FRRS1L: variants seen among roughly 807,000 people sequenced by gnomAD.
FRRS1L encodes the protein DOMON domain-containing protein FRRS1L.
A neutral mutation model predicts 28.6 loss-of-function variants in FRRS1L; 22 were observed. The ratio of observed to expected loss-of-function variants is 0.77; its 90% confidence interval spans 0.55 to 1.10. The LOEUF is 1.10. Among genes scored for constraint, FRRS1L ranks in the 50% least tolerant of loss-of-function variants. FRRS1L has a pLI of 0.00. For missense variants in FRRS1L, 380 were observed against 386.9 expected (o/e 0.98, Z 0.15); for synonymous variants, 158 against 151.4 (o/e 1.04, Z -0.32).
intron 1 of FRRS1L, among the ~76,000 whole-genome samples, chr9:109,163,626 T>C (rs1831505933): frequency 6.6e-6 from 1 of 152,154 alleles, no homozygotes; most frequent in South Asian, 2.1e-4. Flanking sequence ...TAGGTAATGG[T>C]CAGTAGGCTC....
rs955397173 is a variant in FRRS1L at position 109,141,430 on chromosome 9, G to A, written c.622C>T (p.Arg208Cys). The A allele has an allele frequency of 6.2e-6, 10 of 1,613,926 alleles. No individual in the cohort carries two copies. Among genetic ancestry groups the A allele is most frequent in the Admixed American group, 5.0e-5 (3 of 59,998 alleles). Residue 208 changes from arginine to cysteine, a missense_variant, in exon 4 of 5, where the codon CGC (arginine) becomes TGC (cysteine). By Grantham distance (180) the Arg-to-Cys change is radical (BLOSUM62 -3). Transcript: ENST00000561981. Reference sequence around the variant, plus strand: ...TCATCTCTGGGAACATTCACAGGGCGTTTAAATCTGCAGGTGACGCGATTG... The same window carrying A: ...TCATCTCTGGGAACATTCACAGGGCATTTAAATCTGCAGGTGACGCGATTG... The part of the protein sequence containing the change: ...ENNRVTCRFK[R>C]PVNVPRDETI...
intron 3 of FRRS1L, among the ~76,000 whole-genome samples, chr9:109,145,421 G>T (rs1831245688): frequency 6.6e-6 from 1 of 152,208 alleles, no homozygotes; most frequent in Admixed American, 6.5e-5. Flanking sequence ...TCAAAAAGAG[G>T]CCAGGCACGG....
At chr9:109,160,721 G>C (rs982733987) in intron 1 of FRRS1L, among the ~76,000 whole-genome samples, 1 of 150,866 alleles carries the variant, frequency 6.6e-6, no homozygotes, top group Non-Finnish European at 1.5e-5. Flanking sequence ...CTGTAGTTCT[G>C]TCTCTTATCT....
At chr9:109,162,028 A>C (rs1831486123) in intron 1 of FRRS1L, among the ~76,000 whole-genome samples, 1 of 151,912 alleles carries the variant, frequency 6.6e-6, no homozygotes, top group Non-Finnish European at 1.5e-5. Context: ...AAAATACCCA[A>C]CTCTAGGCCA....
chr9:109,160,875 C>T (rs1831473051), intron 1 of FRRS1L, among the ~76,000 whole-genome samples: 1 of 148,966 alleles, frequency 6.7e-6, no homozygotes. Context: ...TCACTGCAAG[C>T]TCCGCCTGCC....
At chr9:109,154,614 G>A (rs899188905) in intron 1 of FRRS1L, among the ~76,000 whole-genome samples, 3 of 152,096 alleles carry the variant, frequency 2.0e-5, no homozygotes, top group African/African-American at 7.2e-5. Flanking sequence ...GGTATTTCTT[G>A]ATTTATGGAA....
In FRRS1L at chr9:109,133,336, A is replaced by G. The variant is rs1831076185; in HGVS notation, c.*4119T>C. ...AAAATAAAGAATCAAAATGCTTTTAAGCAGAAAAGAAAGTTGATATAGAGT... is the reference window on the plus strand; with the variant it reads ...AAAATAAAGAATCAAAATGCTTTTAGGCAGAAAAGAAAGTTGATATAGAGT... On this transcript the variant is annotated 3_prime_UTR_variant, in exon 5 of 5. Transcript: ENST00000561981. 6.6e-6 allele frequency: 1 copy of G among 152,260 alleles called. No individual in the cohort carries two copies. Among genetic ancestry groups the G allele is most frequent in the African/African-American group, 2.4e-5 (1 of 41,474 alleles). The allele number at this position is 152,260 out of a possible 1,614,324, so 9.4% of individuals were successfully genotyped here.
intron 1 of FRRS1L, among the ~76,000 whole-genome samples, chr9:109,163,189 T>C (rs1019411753): frequency 3.3e-5 from 5 of 152,182 alleles, no homozygotes; most frequent in African/African-American, 1.2e-4. Flanking sequence ...CATAATCAAA[T>C]GGTAATCTGT....
Position 109,137,107 on chromosome 9 carries a change from T to C in FRRS1L, c.*348A>G, listed in dbSNP as rs1240776122. 6.3e-6 allele frequency: 1 copy of C among 158,684 alleles called. No homozygotes were observed. The highest frequency in any genetic ancestry group is 2.4e-5 in the African/African-American group (1 of 41,658). 9.8% of individuals were successfully genotyped at this position (158,684 alleles called of 1,614,324 possible). On this transcript the variant is annotated 3_prime_UTR_variant, in exon 5 of 5. Coordinates refer to ENST00000561981, the MANE Select transcript of FRRS1L (RefSeq NM_014334.4). Reference sequence around the variant, plus strand: ...TTTGTCATTTCTAGCCAAAGTTATATGGTATGTGGATCATAAAAAGGCAGT... The same window carrying C: ...TTTGTCATTTCTAGCCAAAGTTATACGGTATGTGGATCATAAAAAGGCAGT...
chr9:109,157,194 T>G (rs1831421618), intron 1 of FRRS1L, among the ~76,000 whole-genome samples: 1 of 152,236 alleles, frequency 6.6e-6, no homozygotes. Context: ...TAATTTCAAA[T>G]CTTACAGCAT....
chr9:109,144,675 A>ATTTTCT (rs72097935), intron 3 of FRRS1L, among the ~76,000 whole-genome samples: 99 of 149,814 alleles, frequency 6.6e-4, no homozygotes, highest in African/African-American at 2.3e-3. Context: ...AGTTAGTGCT[A>ATTTTCT]TTTTCTTTTT....
At chr9:109,163,564 A>G (rs1163755862) in intron 1 of FRRS1L, among the ~76,000 whole-genome samples, 1 of 152,090 alleles carries the variant, frequency 6.6e-6, no homozygotes, top group African/African-American at 2.4e-5. Context: ...CTGCCTCTGG[A>G]TTTGAGGGTT....
At position 109,132,311 on chromosome 9, in the gene FRRS1L, T is replaced by C. The variant is rs1334877325; in HGVS notation, c.*5144A>G. The C allele has an allele frequency of 6.6e-6, 1 of 152,154 alleles. No homozygotes were observed. The highest frequency in any genetic ancestry group is 2.4e-5 in the African/African-American group (1 of 41,424). 9.4% of individuals were successfully genotyped at this position (152,154 alleles called of 1,614,324 possible). A position where few individuals can be genotyped will look rare whatever the true frequency, so the allele number is the denominator to read the frequency against. On this transcript the variant is annotated 3_prime_UTR_variant, in exon 5 of 5. Transcript: ENST00000561981. ...TTAAAACATCTCTAGGTTAATGAAT[T>C]ACTCTGAAACACTGAAATCCTTACC... is the stretch of plus-strand genomic sequence containing the variant.
intron 3 of FRRS1L, among the ~76,000 whole-genome samples, chr9:109,144,815 C>T (rs908549081): frequency 6.6e-6 from 1 of 152,018 alleles, no homozygotes; most frequent in Non-Finnish European, 1.5e-5. Flanking sequence ...TCTCGAGTAG[C>T]TGGGATTACA....
intron 1 of FRRS1L, among the ~76,000 whole-genome samples, chr9:109,156,043 A>T (rs1166208915): frequency 1.3e-5 from 2 of 152,202 alleles, no homozygotes; most frequent in African/African-American, 4.8e-5. Flanking sequence ...TGTCATGTAC[A>T]TGATTCACAG....
Position 109,167,083 on chromosome 9 carries a change from A to T in FRRS1L, c.56T>A (p.Leu19Gln), listed in dbSNP as rs1831564352. Residue 19 changes from leucine to glutamine, a missense_variant, in exon 1 of 5, where the codon CTA (leucine) becomes CAA (glutamine). Coordinates refer to ENST00000561981, the MANE Select transcript of FRRS1L (RefSeq NM_014334.4). ...PGVWASLLLL[L>Q]LTGPAACAAS... ...TGCGCAGGCGGCGGGCCCCGTCAGT[A>T]GCAGCAGGAGCAGCGACGCCCAGAC... 3 of 1,176,142 alleles carry T rather than the reference A, an allele frequency of 2.6e-6. No homozygotes were observed. The highest frequency in any genetic ancestry group is 7.2e-5 in the South Asian group (2 of 27,612). The allele number at this position is 1,176,142 out of a possible 1,614,324, so 72.9% of individuals were successfully genotyped here.
At chr9:109,140,449 G>C (rs543579543) in intron 4 of FRRS1L, 9 of 152,380 alleles carry the variant, frequency 5.9e-5, no homozygotes, top group African/African-American at 2.2e-4. Context: ...GCAAGACCCT[G>C]GGAGAGGAGG....
chr9:109,141,428 G>A lies in FRRS1L; in HGVS notation c.624C>T (p.Arg208=), dbSNP rs774532898. 4.3e-6 allele frequency: 7 copies of A among 1,614,052 alleles called. No homozygotes were observed. The South Asian group carries it at 5.5e-5, about 13-fold the overall frequency. The stretch of plus-strand genomic sequence containing the variant: ...TTTCATCTCTGGGAACATTCACAGG[G>A]CGTTTAAATCTGCAGGTGACGCGAT... The part of the protein sequence containing the change: ...ENNRVTCRFK[R]PVNVPRDETI... Residue 208 remains arginine (R), a synonymous_variant, in exon 4 of 5, where the codon CGC becomes CGT. Transcript: ENST00000561981.
intron 1 of FRRS1L, among the ~76,000 whole-genome samples, chr9:109,161,370 T>A (rs1831478487): frequency 6.6e-6 from 1 of 152,164 alleles, no homozygotes; most frequent in Non-Finnish European, 1.5e-5. Flanking sequence ...GGGGGTTTTT[T>A]AAAAAAGGGT....
Sources: gnomAD v4.1 joint callset for allele counts (sites outside exome capture counted in the v4.1 genomes callset) on GRCh38, gnomAD v4.1.1 for gene constraint, MANE v1.5 for transcripts, NCBI Gene and HGNC (gene_info 2026-07-23, HGNC 2026-07-21) for gene names.